ZNF618: variants seen among roughly 807,000 people sequenced by gnomAD.
ZNF618 encodes zinc finger protein 618, also known as neural precursor cell expressed, developmentally down-regulated 10.
ZNF618 carries 34 observed loss-of-function variants against 103.0 expected under a neutral mutation model. That is an observed-to-expected ratio of 0.33 (90% CI 0.25 to 0.44). The LOEUF is 0.44. ZNF618 is among the 20% of genes least tolerant of loss of function. ZNF618 has a pLI of 1.00. For missense variants in ZNF618, 1,059 were observed against 1,295.4 expected, an observed-to-expected ratio of 0.82 and a Z score of 2.80; for synonymous variants, 551 against 542.2, an observed-to-expected ratio of 1.02 and a Z score of -0.23.
chr9:113,932,337 TGCG>T (rs1231800984), intron 1 of ZNF618, among the ~76,000 whole-genome samples: 2 of 151,722 alleles, frequency 1.3e-5, no homozygotes, highest in African/African-American at 4.8e-5. Context: ...GATGAGGGGG[TGCG>T]GCTGGTTAGG....
rs748194898 is a variant in ZNF618, at chr9:113,988,399, C to T, written c.156C>T (p.Ala52=). 1.4e-5 allele frequency: 22 copies of T among 1,613,606 alleles called. No individual in the cohort carries two copies. Among genetic ancestry groups the T allele is most frequent in the African/African-American group, 9.3e-5 (7 of 75,060 alleles). ...EPVPAEASLS[A]EQGTMTEVKV... ...TGCCAGCCGAGGCCTCGCTGAGTGC[C>T]GAGCAAGGAACGATGACGGAGGTGA... is the stretch of plus-strand genomic sequence containing the variant. Residue 52 remains alanine (A), a synonymous_variant, in exon 3 of 15, where the codon GCC becomes GCT. Coordinates refer to ENST00000374126, the MANE Select transcript of ZNF618 (RefSeq NM_001318042.2).
At chr9:113,982,744 C>G (rs1008127237) in intron 2 of ZNF618, among the ~76,000 whole-genome samples, 1 of 152,142 alleles carries the variant, frequency 6.6e-6, no homozygotes, top group Non-Finnish European at 1.5e-5. Flanking sequence ...ACTACCATCC[C>G]CATTCCAGCC....
intron 1 of ZNF618, among the ~76,000 whole-genome samples, chr9:113,922,800 G>A (rs540750084): frequency 6.6e-5 from 10 of 152,204 alleles, no homozygotes; most frequent in African/African-American, 2.2e-4. Context: ...TTGCCTTTCA[G>A]TATATACACT....
At chr9:113,953,674 TG>T (rs779523878) in intron 1 of ZNF618, among the ~76,000 whole-genome samples, 4 of 152,118 alleles carry the variant, frequency 2.6e-5, no homozygotes, top group Non-Finnish European at 4.4e-5. Flanking sequence ...ACTAAACAAA[TG>T]TATGTGGGGG....
chr9:113,975,685 A>G (rs1432799613), intron 2 of ZNF618, among the ~76,000 whole-genome samples: 2 of 152,208 alleles, frequency 1.3e-5, no homozygotes, highest in African/African-American at 4.8e-5. Context: ...ACTGAAAAAA[A>G]TAAATTAAAA....
intron 1 of ZNF618, among the ~76,000 whole-genome samples, chr9:113,923,742 C>T (rs1227665412): frequency 6.6e-6 from 1 of 152,008 alleles, no homozygotes; most frequent in African/African-American, 2.4e-5. Context: ...CTGTAGTTTT[C>T]CTTTTTTGTA....
chr9:113,913,471 G>A (rs1301016277), intron 1 of ZNF618, among the ~76,000 whole-genome samples: 1 of 152,254 alleles, frequency 6.6e-6, no homozygotes, highest in Non-Finnish European at 1.5e-5. Context: ...GTATCCAGTT[G>A]TGAGGAACCT....
intron 1 of ZNF618, among the ~76,000 whole-genome samples, chr9:113,909,276 G>T: frequency 6.6e-6 from 1 of 152,074 alleles, no homozygotes; most frequent in East Asian, 1.9e-4. Context: ...GTCATTCTGG[G>T]ACTTGTGGCT....
intron 2 of ZNF618, among the ~76,000 whole-genome samples, chr9:113,972,537 GC>G (rs1339087279): frequency 1.3e-5 from 2 of 151,918 alleles, no homozygotes; most frequent in Non-Finnish European, 2.9e-5. Context: ...TACTCACCAC[GC>G]CCTCCTGCTT....
At chr9:113,931,547 CAG>C (rs2131852439) in intron 1 of ZNF618, among the ~76,000 whole-genome samples, 1 of 152,196 alleles carries the variant, frequency 6.6e-6, no homozygotes, top group East Asian at 1.9e-4. Flanking sequence ...GATGAAGTGT[CAG>C]GGGAAGGTTT....
At chr9:114,016,189 G>C (rs765343789) in intron 9 of ZNF618, 2 of 1,612,646 alleles carry the variant, frequency 1.2e-6, no homozygotes, top group Non-Finnish European at 1.7e-6. Context: ...ATAAAGTCGG[G>C]TGGGACTTGA....
In ZNF618 at chr9:113,977,403, T is replaced by C. The variant is rs1303188516; in HGVS notation, c.77+8243T>C. 2.2e-4 allele frequency among the ~76,000 whole-genome samples: 34 copies of C among 152,194 alleles called. 2 individuals are homozygous for C. The highest frequency in any genetic ancestry group is 7.3e-5 in the Non-Finnish European group (5 of 68,030). ...TAATGGTGAACAGAGGGAGTGTGTT[T>C]ATCCTTTGTTTAGACGTCCAGTGTG... On this transcript the variant is annotated intron_variant, in intron 2 of 14. Coordinates refer to ENST00000374126, the MANE Select transcript of ZNF618 (RefSeq NM_001318042.2).
rs117468005 is a variant in ZNF618, at chr9:113,886,620, T to G, written c.33+10207T>G. 8.2e-3 allele frequency among the ~76,000 whole-genome samples: 1,247 copies of G among 152,100 alleles called. 8 individuals are homozygous for G. Among genetic ancestry groups the G allele is most frequent in the Non-Finnish European group, 0.014 (936 of 67,996 alleles). ...TGATCTGAAATAAAACTGAAACTAG[T>G]CTGAAATGAGACCTCAGGGAAGAGA... On this transcript the variant is annotated intron_variant, in intron 1 of 14. Coordinates refer to ENST00000374126, the MANE Select transcript of ZNF618 (RefSeq NM_001318042.2).
intron 1 of ZNF618, among the ~76,000 whole-genome samples, chr9:113,884,652 T>A (rs1007167781): frequency 2.0e-5 from 3 of 152,160 alleles, no homozygotes; most frequent in Non-Finnish European, 4.4e-5. Flanking sequence ...TATATAATGC[T>A]ACCCATCAGT....
chr9:113,949,969 A>T (rs959540556), intron 1 of ZNF618, among the ~76,000 whole-genome samples: 1 of 152,178 alleles, frequency 6.6e-6, no homozygotes, highest in Non-Finnish European at 1.5e-5. Flanking sequence ...TTCTGTGATT[A>T]TCCTGACTTT....
chr9:113,964,995 T>A, intron 1 of ZNF618, among the ~76,000 whole-genome samples: 2 of 147,224 alleles, frequency 1.4e-5, no homozygotes, highest in Admixed American at 6.7e-5. Flanking sequence ...TTTGCTTCAT[T>A]CTGAAAAAAA....
At chr9:113,883,464 G>A (rs188401043) in intron 1 of ZNF618, among the ~76,000 whole-genome samples, 24 of 152,298 alleles carry the variant, frequency 1.6e-4, no homozygotes, top group African/African-American at 5.5e-4. Context: ...TCTTAGCCAG[G>A]TGTCCTGGAA....
chr9:113,999,457 C>A (rs535171564), intron 4 of ZNF618, among the ~76,000 whole-genome samples: 1 of 152,164 alleles, frequency 6.6e-6, no homozygotes, highest in African/African-American at 2.4e-5. Flanking sequence ...CCAGAGACTC[C>A]GTGTGCCAGA....
Position 114,048,758 on chromosome 9 carries a change from G to C in ZNF618, c.1456G>C (p.Val486Leu), listed in dbSNP as rs756901718. 6.2e-7 allele frequency: 1 copy of C among 1,614,054 alleles called. No homozygotes were observed. The highest frequency in any genetic ancestry group is 8.5e-7 in the Non-Finnish European group (1 of 1,179,904). ...VMCADLGALS[V>L]VSGKEFLKLA... ...GTGTGCCGACCTGGGTGCACTGAGC[G>C]TGGTCAGCGGGAAGGAGTTCCTGAA... is the stretch of plus-strand genomic sequence containing the variant. The change falls in exon 15 of 15, where the codon GTG becomes CTG. Residue 486 changes from valine (V) to leucine (L), a missense_variant. Around this residue, in one of 6 missense-constraint regions of ZNF618, gnomAD observed 434 missense variants for 476.0 expected, o/e 0.91. Transcript: ENST00000374126.
Sources: gnomAD v4.1 joint callset for allele counts (sites outside exome capture counted in the v4.1 genomes callset) on GRCh38, gnomAD v4.1.1 for gene constraint, gnomAD v4.1.1 regional missense constraint, MANE v1.5 for transcripts, NCBI Gene and HGNC (gene_info 2026-07-23, HGNC 2026-07-21) for gene names.